The following STPG2 variants were observed in gnomAD, a reference collection of about 807,000 sequenced individuals.
The protein encoded by STPG2 is sperm tail PG-rich repeat containing 2.
Under a neutral mutation model 54.2 loss-of-function variants are expected in STPG2, and 56 were observed. That is an observed-to-expected ratio of 1.03 (90% CI 0.83 to 1.29). The LOEUF is 1.29. Ranked by LOEUF, STPG2 falls within the 50% of genes most tolerant of loss-of-function variation. The pLI, the probability that STPG2 is intolerant of heterozygous loss-of-function variation, is 0.00. For missense variants in STPG2, 596 were observed against 544.9 expected (o/e 1.09, Z -0.93); for synonymous variants, 200 against 181.8 (o/e 1.10, Z -0.81).
chr4:97,917,793 T>C (rs1369252943), intron 8 of STPG2, among the ~76,000 whole-genome samples: 1 of 152,164 alleles, frequency 6.6e-6, no homozygotes, highest in Non-Finnish European at 1.5e-5. Flanking sequence ...CACTTTTTTT[T>C]AGACAAGATA....
intron 8 of STPG2, among the ~76,000 whole-genome samples, chr4:97,941,344 C>CAGT (rs1163110449): frequency 6.6e-6 from 1 of 152,074 alleles, no homozygotes; most frequent in East Asian, 1.9e-4. Flanking sequence ...CTCCTCAAAT[C>CAGT]AGTAACTTAT....
chr4:98,034,566 A>G (rs1230446805), intron 5 of STPG2, among the ~76,000 whole-genome samples: 2 of 152,210 alleles, frequency 1.3e-5, no homozygotes, highest in East Asian at 3.8e-4. Context: ...TCAAGCTACC[A>G]TTGACATTCT....
chr4:98,018,684 T>C (rs1736059421), intron 5 of STPG2, among the ~76,000 whole-genome samples: 1 of 151,054 alleles, frequency 6.6e-6, no homozygotes, highest in Non-Finnish European at 1.5e-5. Context: ...CACCTATTGT[T>C]TCCTGACTTT....
intron 8 of STPG2, among the ~76,000 whole-genome samples, chr4:97,934,929 T>C (rs1368607161): frequency 6.6e-6 from 1 of 152,220 alleles, no homozygotes. Flanking sequence ...TTAGAAGAAA[T>C]GGTAACAGCT....
rs1002425888 is a variant in STPG2, at chr4:97,712,769, G to A, written c.1250C>T (p.Pro417Leu). Residue 417 changes from proline (P) to leucine (L), a missense_variant, in exon 10 of 11, where the codon CCC (proline) becomes CTC (leucine). Coordinates refer to ENST00000295268, the MANE Select transcript of STPG2 (RefSeq NM_174952.3). ...NPVLRKSCPIPLFVKASKRFE... is the reference protein window; with the variant it reads ...NPVLRKSCPILLFVKASKRFE... Reference sequence around the variant, plus strand: ...GCGCTTTGATGCTTTCACAAATAAGGGTATGGGGCAAGATTTCCTTAAAAC... The same window carrying A: ...GCGCTTTGATGCTTTCACAAATAAGAGTATGGGGCAAGATTTCCTTAAAAC... 30 of 1,608,404 alleles carry A rather than the reference G, an allele frequency of 1.9e-5. No individual in the cohort carries two copies. The highest frequency in any genetic ancestry group is 2.4e-5 in the Non-Finnish European group (28 of 1,176,656).
At chr4:97,776,646 G>A (rs1726385604) in intron 9 of STPG2, among the ~76,000 whole-genome samples, 1 of 152,148 alleles carries the variant, frequency 6.6e-6, no homozygotes, top group South Asian at 2.1e-4. Context: ...TATGGTATTG[G>A]AATGATAGGT....
At chr4:97,447,263 G>C (rs909088153) in intron 4 of STPG2, among the ~76,000 whole-genome samples, 1 of 152,186 alleles carries the variant, frequency 6.6e-6, no homozygotes, top group Non-Finnish European at 1.5e-5. Context: ...AAGGCACGTG[G>C]AGCATAAAAG....
chr4:98,018,777 AGC>A, intron 5 of STPG2, among the ~76,000 whole-genome samples: 1 of 151,858 alleles, frequency 6.6e-6, no homozygotes, highest in African/African-American at 2.4e-5. Context: ...AGTGATGATG[AGC>A]ATTTTTTCAT....
At chr4:97,458,657 A>G (rs1729585296) in intron 4 of STPG2, among the ~76,000 whole-genome samples, 1 of 152,190 alleles carries the variant, frequency 6.6e-6, no homozygotes, top group African/African-American at 2.4e-5. Flanking sequence ...TCAAAGCACA[A>G]TGGAAATGTT....
At position 97,709,426 on chromosome 4, in the gene STPG2, C is replaced by A. The variant is rs1415820273; in HGVS notation, c.1320+3273G>T. 2.0e-5 allele frequency among the ~76,000 whole-genome samples: 3 copies of A among 151,448 alleles called. No homozygotes were observed. In the East Asian group the frequency reaches 5.8e-4, roughly 29 times the overall value. ...CCAATTCTGCTATTAAAAATTCACTCTGAAATTAATCTCTAATTGAGATTT... is the reference window on the plus strand; with the variant it reads ...CCAATTCTGCTATTAAAAATTCACTATGAAATTAATCTCTAATTGAGATTT... On this transcript the variant is annotated intron_variant, in intron 10 of 10. Transcript: ENST00000295268.
At chr4:98,054,729 C>G (rs1348997901) in intron 5 of STPG2, among the ~76,000 whole-genome samples, 1 of 152,090 alleles carries the variant, frequency 6.6e-6, no homozygotes, top group African/African-American at 2.4e-5. Context: ...TGTGTATATT[C>G]TATTCAGTGA....
intron 4 of STPG2, among the ~76,000 whole-genome samples, chr4:97,543,248 A>G (rs958374091): frequency 6.6e-6 from 1 of 151,672 alleles, no homozygotes; most frequent in Admixed American, 6.6e-5. Flanking sequence ...TTTATAAAGA[A>G]AAAGCTCCCT....
At position 97,756,717 on chromosome 4, in the gene STPG2, C is replaced by T. The variant is rs531825696; in HGVS notation, c.1205-43903G>A. On this transcript the variant is annotated intron_variant, in intron 9 of 10. Coordinates refer to ENST00000295268, the MANE Select transcript of STPG2 (RefSeq NM_174952.3). ...AACTCCCTCAATTACTTGTCCCCTC[C>T]TATCACTCCAAGAAGCATAGGAGCA... Among the ~76,000 whole-genome samples the T allele has an allele frequency of 6.6e-5, 10 of 152,204 alleles. No individual in the cohort carries two copies. The South Asian group carries it at 1.5e-3, about 22-fold the overall frequency.
rs114856142 is a variant in STPG2 at position 97,972,057 on chromosome 4, C to T, written c.933+223G>A. 3.2e-3 allele frequency among the ~76,000 whole-genome samples: 480 copies of T among 152,144 alleles called. 3 individuals carry two copies. The highest frequency in any genetic ancestry group is 0.011 in the African/African-American group (442 of 41,514). ...AATCCCCAGAGCATATTTTTTCAAA[C>T]GCTATATTTTTCATCTCTAGAAATT... On this transcript the variant is annotated intron_variant, in intron 7 of 10. Coordinates refer to ENST00000295268, the MANE Select transcript of STPG2 (RefSeq NM_174952.3).
chr4:97,747,390 T>G (rs1410923613), intron 9 of STPG2, among the ~76,000 whole-genome samples: 2 of 151,382 alleles, frequency 1.3e-5, no homozygotes, highest in East Asian at 3.9e-4. Flanking sequence ...CAAACTCCTA[T>G]CTACTCTCAA....
At chr4:98,025,516 TA>T in intron 5 of STPG2, 1 of 648,164 alleles carries the variant, frequency 1.5e-6, no homozygotes. Context: ...AAAATAAATA[TA>T]AAACACCCAA....
chr4:97,441,831 A>G (rs758922373), intron 4 of STPG2, among the ~76,000 whole-genome samples: 8 of 152,052 alleles, frequency 5.3e-5, no homozygotes, highest in Admixed American at 2.0e-4. Flanking sequence ...TAGACATTAC[A>G]TCATGATAAT....
intron 5 of STPG2, among the ~76,000 whole-genome samples, chr4:97,984,715 AGT>A (rs1734777724): frequency 6.6e-6 from 1 of 152,166 alleles, no homozygotes; most frequent in South Asian, 2.1e-4. Context: ...TATTTTTTGA[AGT>A]GTAGTCAAAG....
intron 5 of STPG2, among the ~76,000 whole-genome samples, chr4:98,041,793 TC>T (rs1736967509): frequency 6.6e-6 from 1 of 151,974 alleles, no homozygotes; most frequent in Non-Finnish European, 1.5e-5. Flanking sequence ...TCTGTAGTTT[TC>T]TTTTTGTGTT....
Sources: gnomAD v4.1 joint callset for allele counts (sites outside exome capture counted in the v4.1 genomes callset) on GRCh38, gnomAD v4.1.1 for gene constraint, MANE v1.5 for transcripts, NCBI Gene and HGNC (gene_info 2026-07-23, HGNC 2026-07-21) for gene names.